The following ZFR2 variants were observed in gnomAD, a reference collection of about 807,000 sequenced individuals.
ZFR2 encodes the protein zinc finger RNA binding protein 2.
In ZFR2, 104 loss-of-function variants were observed where a neutral mutation model predicts 105.7. The ratio of observed to expected loss-of-function variants is 0.98; its 90% CI spans 0.84 to 1.16. ZFR2 has a LOEUF of 1.16. Among genes scored for constraint, ZFR2 ranks in the 50% most tolerant of loss-of-function variants. The pLI is 0.00. For missense variants in ZFR2, 1,425 were observed against 1,355.5 expected (o/e 1.05, Z -0.80); for synonymous variants, 634 against 597.7 (o/e 1.06, Z -0.89).
intron 10 of ZFR2, 58 bp downstream of exon 10, chr19:3,821,281 TC>T: frequency 6.8e-7 from 1 of 1,479,284 alleles, no homozygotes; most frequent in African/African-American, 1.4e-5. Flanking sequence ...GCGTCTAGGT[TC>T]CACGCTGGAC....
chr19:3,810,739 C>T lies in ZFR2; in HGVS notation c.2433+11G>A. 3 of 1,547,190 alleles carry T rather than the reference C, an allele frequency of 1.9e-6. No individual in the cohort carries two copies. The highest frequency in any genetic ancestry group is 2.6e-6 in the Non-Finnish European group (3 of 1,145,096). ...CCCAGTGGAGGGCCGGGCCGCCAGG[C>T]ACTGCCTTACCCAGGCTGGCAGGGC... is the stretch of plus-strand genomic sequence containing the variant. On this transcript the variant is annotated intron_variant, in intron 16 of 18. Coordinates refer to ENST00000262961, the MANE Select transcript of ZFR2 (RefSeq NM_015174.2).
chr19:3,821,868 CAA>C (rs1373915579), intron 9 of ZFR2, among the ~76,000 whole-genome samples: 2 of 152,194 alleles, frequency 1.3e-5, no homozygotes, highest in African/African-American at 4.8e-5. Flanking sequence ...CTTGGCCTCC[CAA>C]AGTGCTGGGA....
chr19:3,805,890 C>A lies in ZFR2; in HGVS notation c.*59G>T, dbSNP rs115701992. The A allele has an allele frequency of 1.4e-6, 2 of 1,439,838 alleles. No individual in the cohort carries two copies. Among genetic ancestry groups the A allele is most frequent in the Non-Finnish European group, 1.8e-6 (2 of 1,096,726 alleles). The allele number at this position is 1,439,838 out of a possible 1,614,324, so 89.2% of individuals were successfully genotyped here. A position where few individuals can be genotyped will look rare whatever the true frequency, so the allele number is the denominator to read the frequency against. On this transcript the variant is annotated 3_prime_UTR_variant, in exon 19 of 19. Coordinates refer to ENST00000262961, the MANE Select transcript of ZFR2 (RefSeq NM_015174.2). ...CGGGGATGAAGCAGCCATTGGTCGG[C>A]GCGCACACGTCCAGGAGTGCAGGGA...
rs1024995465 is a variant in ZFR2 at position 3,838,290 on chromosome 19, C to T, written c.54-3307G>A. On this transcript the variant is annotated intron_variant, in intron 1 of 18. Transcript: ENST00000262961. The surrounding 1 kb of genome is among the most constrained non-coding windows in gnomAD (Gnocchi z 4.9). The stretch of plus-strand genomic sequence containing the variant: ...TGAATGAACAGCATGACTACAGACA[C>T]CTGATGAACACTATGACAGTGGCAG... 6.6e-6 allele frequency among the ~76,000 whole-genome samples: 1 copy of T among 152,214 alleles called. No individual in the cohort carries two copies. Among genetic ancestry groups the T allele is most frequent in the Non-Finnish European group, 1.5e-5 (1 of 68,030 alleles).
chr19:3,831,594 C>A, intron 4 of ZFR2, 38 bp from the exon 5 acceptor site: 2 of 1,534,486 alleles, frequency 1.3e-6, no homozygotes, highest in East Asian at 2.4e-5. Context: ...GGGGGAGATG[C>A]TGATTCCACT....
At chr19:3,811,198 G>A in intron 15 of ZFR2, 74 bp downstream of exon 15, 1 of 1,408,552 alleles carries the variant, frequency 7.1e-7, no homozygotes, top group Non-Finnish European at 9.4e-7. Flanking sequence ...GGCCGCGCCG[G>A]GTTGACCTGG....
rs1036758215 is a variant in ZFR2 at position 3,825,397 on chromosome 19, A to T, written c.1046T>A (p.Leu349Gln). 1.9e-6 allele frequency: 3 copies of T among 1,580,552 alleles called. No homozygotes were observed. The highest frequency in any genetic ancestry group is 2.7e-5 in the African/African-American group (2 of 73,942). The change falls in exon 7 of 19, where the codon CTG (leucine) becomes CAG (glutamine). Residue 349 changes from leucine (L) to glutamine (Q), a missense_variant. Leu to Gln is a moderately radical substitution (Grantham distance 113). Transcript: ENST00000262961. ...RGSKHQKVFK[L>Q]HAKLGKPIPT... ...AATGGGCTTCCCCAGTTTGGCGTGC[A>T]GCTTGAAGACCTGCAACAGACAGAG...
At chr19:3,836,377 T>G (rs1213102519) in intron 1 of ZFR2, among the ~76,000 whole-genome samples, 1 of 152,160 alleles carries the variant, frequency 6.6e-6, no homozygotes, top group African/African-American at 2.4e-5. Context: ...CAGGTTGAAG[T>G]TCAGTGCTAC....
At position 3,831,416 on chromosome 19, in the gene ZFR2, T is replaced by C. The variant is rs991792479; in HGVS notation, c.739A>G (p.Arg247Gly). 3.2e-6 allele frequency: 5 copies of C among 1,554,582 alleles called. No homozygotes were observed. Among genetic ancestry groups the C allele is most frequent in the Non-Finnish European group, 2.6e-6 (3 of 1,150,980 alleles). ...GGAAGCGGTGGCTTCGAGTCGGCCCTGGGGCTGCTTCCTGAGCCTGCAGGC... is the reference window on the plus strand; with the variant it reads ...GGAAGCGGTGGCTTCGAGTCGGCCCCGGGGCTGCTTCCTGAGCCTGCAGGC... Reference protein sequence around the residue: ...PAPAGSGSSPRADSKPPLPSK... With the variant: ...PAPAGSGSSPGADSKPPLPSK... The change falls in exon 5 of 19, where the codon AGG becomes GGG. Residue 247 changes from arginine (R) to glycine (G), a missense_variant. Coordinates refer to ENST00000262961, the MANE Select transcript of ZFR2 (RefSeq NM_015174.2).
intron 12 of ZFR2, among the ~76,000 whole-genome samples, chr19:3,818,144 G>C (rs2037846042): frequency 6.6e-6 from 1 of 152,278 alleles, no homozygotes; most frequent in South Asian, 2.1e-4. Context: ...AGGTTAAAAT[G>C]CTCAGTGTTG....
chr19:3,831,724 C>T lies in ZFR2; in HGVS notation c.534G>A (p.Ser178=), dbSNP rs372120973. 141 of 1,598,782 alleles carry T rather than the reference C, an allele frequency of 8.8e-5. No individual in the cohort carries two copies. The highest frequency in any genetic ancestry group is 6.0e-4 in the South Asian group (53 of 88,516). The part of the protein sequence containing the change: ...YPTATGVQPE[S]SASIVTSYPP... ...GGTAGGAGGTCACGATGGAAGCTGA[C>T]GACTCGGGCTGGACGCCTGTCGCCG... The change falls in exon 4 of 19, where the codon TCG becomes TCA. Residue 178 remains serine (S), a synonymous_variant. Coordinates refer to ENST00000262961, the MANE Select transcript of ZFR2 (RefSeq NM_015174.2).
chr19:3,814,213 G>A (rs947299451), intron 13 of ZFR2, among the ~76,000 whole-genome samples: 4 of 152,120 alleles, frequency 2.6e-5, no homozygotes, highest in Admixed American at 2.0e-4. Flanking sequence ...CATATGTAAA[G>A]AATACCTGTA....
intron 8 of ZFR2, among the ~76,000 whole-genome samples, chr19:3,822,965 T>TC (rs1240631111): frequency 6.6e-6 from 1 of 152,170 alleles, no homozygotes; most frequent in Non-Finnish European, 1.5e-5. Context: ...CCTTCCACCT[T>TC]CCAGACAGAC....
rs1019763026 is a variant in ZFR2, at chr19:3,804,208, G to GA, written c.*1740dup. The GA allele has an allele frequency of 4.0e-5, 6 of 151,442 alleles. No homozygotes were observed. Among genetic ancestry groups the GA allele is most frequent in the Non-Finnish European group, 7.4e-5 (5 of 67,900 alleles). The allele number at this position is 151,442 out of a possible 1,614,324, so 9.4% of individuals were successfully genotyped here. On this transcript the variant is annotated 3_prime_UTR_variant, in exon 19 of 19. Coordinates refer to ENST00000262961, the MANE Select transcript of ZFR2 (RefSeq NM_015174.2). ...CAATGCCACTGGGCAGCTGGCCAAA[G>GA]AAAAAAAAACTGACCAAGCGGAAGG...
intron 1 of ZFR2, chr19:3,856,962 C>T (rs2038310307): frequency 6.6e-6 from 1 of 152,138 alleles, no homozygotes; most frequent in Admixed American, 6.6e-5. Flanking sequence ...CTCCTCACCT[C>T]AAGTGATCCG....
At chr19:3,806,662 C>T (rs1330270308) in intron 18 of ZFR2, among the ~76,000 whole-genome samples, 1 of 152,198 alleles carries the variant, frequency 6.6e-6, no homozygotes, top group East Asian at 1.9e-4. Flanking sequence ...GGCCCCCCCG[C>T]TCCACTGACC....
chr19:3,827,778 C>T, intron 5 of ZFR2, 125 bp from the exon 6 acceptor site: 1 of 1,050,384 alleles, frequency 9.5e-7, no homozygotes, highest in Non-Finnish European at 1.4e-6. Context: ...GTCCCCAACC[C>T]TCCATTCCCT....
chr19:3,827,480 C>A lies in ZFR2; in HGVS notation c.1026G>T (p.Lys342Asn). 1.3e-6 allele frequency: 2 copies of A among 1,548,564 alleles called. No individual in the cohort carries two copies. Among genetic ancestry groups the A allele is most frequent in the East Asian group, 2.4e-5 (1 of 41,094 alleles). Reference sequence around the variant, plus strand: ...CCGGGCGGGGCCGTACCTTCTGGTGCTTGGATCCCCGGATGTGGGCCGCGT... The same window carrying A: ...CCGGGCGGGGCCGTACCTTCTGGTGATTGGATCCCCGGATGTGGGCCGCGT... ...DAYAAHIRGS[K>N]HQKVFKLHAK... The change falls in exon 6 of 19, where the codon AAG becomes AAT. Residue 342 changes from lysine to asparagine, a missense_variant. Lys to Asn is a moderately conservative substitution (Grantham distance 94). Coordinates refer to ENST00000262961, the MANE Select transcript of ZFR2 (RefSeq NM_015174.2).
At chr19:3,849,601 C>T (rs914913471) in intron 1 of ZFR2, among the ~76,000 whole-genome samples, 2 of 152,222 alleles carry the variant, frequency 1.3e-5, no homozygotes, top group African/African-American at 4.8e-5. Flanking sequence ...AGGACAAGCT[C>T]AATGCCAGGG....
Sources: gnomAD v4.1 joint callset for allele counts (sites outside exome capture counted in the v4.1 genomes callset) on GRCh38, gnomAD v4.1.1 for gene constraint, Gnocchi (gnomAD v3.1) non-coding constraint, MANE v1.5 for transcripts, NCBI Gene and HGNC (gene_info 2026-07-23, HGNC 2026-07-21) for gene names.